The following PHC2 variants were observed in gnomAD, a reference collection of about 807,000 sequenced individuals.
The protein encoded by PHC2 is polyhomeotic-like protein 2.
Under a neutral mutation model 87.4 loss-of-function variants are expected in PHC2, and 29 were observed. The observed-to-expected ratio is 0.33, with a 90% confidence interval of 0.25 to 0.45. PHC2 has a LOEUF of 0.45. PHC2 is among the 20% of genes least tolerant of loss of function. The pLI is 1.00. For missense variants in PHC2, 857 were observed against 1,136.7 expected, an observed-to-expected ratio of 0.75 and a Z score of 3.54; for synonymous variants, 438 against 461.7, an observed-to-expected ratio of 0.95 and a Z score of 0.66.
chr1:33,411,190 C>G (rs1035795583), intron 1 of PHC2, among the ~76,000 whole-genome samples: 1 of 152,120 alleles, frequency 6.6e-6, no homozygotes, highest in African/African-American at 2.4e-5. Flanking sequence ...AATAAATAAT[C>G]TGAAAGCTAG....
At chr1:33,355,910 T>C (rs1647061792) in intron 7 of PHC2, among the ~76,000 whole-genome samples, 1 of 152,108 alleles carries the variant, frequency 6.6e-6, no homozygotes, top group Admixed American at 6.5e-5. Flanking sequence ...AAGGATGAAA[T>C]GAGAAGAAAA....
intron 1 of PHC2, among the ~76,000 whole-genome samples, chr1:33,428,833 G>C (rs577140337): frequency 5.3e-5 from 8 of 152,212 alleles, no homozygotes; most frequent in Non-Finnish European, 1.2e-4. Context: ...AGCCTATGGA[G>C]GGCCTGGCCC....
chr1:33,419,717 C>T lies in PHC2; in HGVS notation c.-55+11259G>A, dbSNP rs527476614. Among the ~76,000 whole-genome samples, 275 of 152,312 alleles carry T rather than the reference C, an allele frequency of 1.8e-3. 1 individual carries two copies. Among genetic ancestry groups the T allele is most frequent in the African/African-American group, 6.4e-3 (266 of 41,566 alleles). Reference sequence around the variant, plus strand: ...CTCCACCTCCCGGGTTCATGCCATTCTCCTGCCTCAGCCTCCCGAGTAGCT... The same window carrying T: ...CTCCACCTCCCGGGTTCATGCCATTTTCCTGCCTCAGCCTCCCGAGTAGCT... On this transcript the variant is annotated intron_variant, in intron 1 of 14. Transcript: ENST00000683057.
chr1:33,431,009 C>G lies in PHC2; in HGVS notation c.-88G>C, dbSNP rs1650900354. ...GCCTCCGCGCTCCTCCTCCACCTGGCCGCTCTCTCCCGGGGGCCGCCCCTC... is the reference window on the plus strand; with the variant it reads ...GCCTCCGCGCTCCTCCTCCACCTGGGCGCTCTCTCCCGGGGGCCGCCCCTC... On this transcript the variant is annotated 5_prime_UTR_variant, in exon 1 of 15. Coordinates refer to ENST00000683057, the MANE Select transcript of PHC2 (RefSeq NM_001385109.1). 6.6e-6 allele frequency: 1 copy of G among 152,074 alleles called. No homozygotes were observed. The highest frequency in any genetic ancestry group is 1.5e-5 in the Non-Finnish European group (1 of 68,040). 9.4% of individuals were successfully genotyped at this position (152,074 alleles called of 1,614,324 possible). A position where few individuals can be genotyped will look rare whatever the true frequency, so the allele number is the denominator to read the frequency against.
chr1:33,421,514 G>T (rs548890417), intron 1 of PHC2, among the ~76,000 whole-genome samples: 2 of 152,314 alleles, frequency 1.3e-5, no homozygotes, highest in African/African-American at 4.8e-5. Flanking sequence ...AGTTATGGGT[G>T]ATGTCATGAG....
At chr1:33,392,573 T>C (rs1649114936) in intron 1 of PHC2, 2 of 152,326 alleles carry the variant, frequency 1.3e-5, no homozygotes, top group South Asian at 4.1e-4. Context: ...ATAGCTCCTG[T>C]TCCTGCTGTC....
At chr1:33,395,306 T>C (rs1342638647) in intron 1 of PHC2, among the ~76,000 whole-genome samples, 7 of 151,840 alleles carry the variant, frequency 4.6e-5, no homozygotes, top group African/African-American at 1.7e-4. Flanking sequence ...GGGTGGGGAA[T>C]GGCTGGGAAG....
Position 33,401,101 on chromosome 1 carries a change from C to T in PHC2, c.-54-25508G>A, listed in dbSNP as rs541693781. On this transcript the variant is annotated intron_variant, in intron 1 of 14. Transcript: ENST00000683057. ...TAGCACTTTGGGAGGCCGAGGTAGGCGAATCAAAAGGTCAGGAGATCCAAA... is the reference window on the plus strand; with the variant it reads ...TAGCACTTTGGGAGGCCGAGGTAGGTGAATCAAAAGGTCAGGAGATCCAAA... Among the ~76,000 whole-genome samples the T allele has an allele frequency of 1.4e-4, 22 of 152,064 alleles. 1 individual carries two copies. The highest frequency in any genetic ancestry group is 4.1e-4 in the African/African-American group (17 of 41,512).
At chr1:33,381,576 A>G (rs77908532) in intron 1 of PHC2, among the ~76,000 whole-genome samples, 2,688 of 151,920 alleles carry the variant, frequency 0.018, 72 homozygotes, top group African/African-American at 0.061. Flanking sequence ...ATATCTAAGC[A>G]ATTTATGTAA....
chr1:33,347,645 GGACT>G, intron 9 of PHC2: 3 of 985,396 alleles, frequency 3.0e-6, no homozygotes, highest in Non-Finnish European at 3.6e-6. Context: ...ACAACAGAAA[GGACT>G]AAGAAACTAC....
chr1:33,335,446 C>T (rs1646607759), intron 9 of PHC2: 1 of 514,162 alleles, frequency 1.9e-6, no homozygotes, highest in South Asian at 8.4e-5. Context: ...GTGATATATA[C>T]TTTAAAAGTG....
intron 1 of PHC2, among the ~76,000 whole-genome samples, chr1:33,424,318 T>C (rs1461205738): frequency 6.6e-6 from 1 of 152,180 alleles, no homozygotes; most frequent in African/African-American, 2.4e-5. Context: ...AAGCCACCTT[T>C]ATCTGTACCC....
Position 33,332,534 on chromosome 1 carries a change from G to A in PHC2, c.1762-130C>T, listed in dbSNP as rs763623016. The A allele has an allele frequency of 7.2e-6, 8 of 1,104,550 alleles. No individual in the cohort carries two copies. The allele number at this position is 1,104,550 out of a possible 1,614,324, so 68.4% of individuals were successfully genotyped here. ...CAGCCCTCCTCAAACCTTCCCCCAT[G>A]TCATCATCCAAGTGTGCTGGGCTCA... On this transcript the variant is annotated intron_variant, in intron 10 of 14. Transcript: ENST00000683057. This position sits in a 1 kb window ranked among gnomAD's most constrained non-coding sequence, Gnocchi z 4.2.
intron 1 of PHC2, among the ~76,000 whole-genome samples, chr1:33,391,521 G>A (rs867879040): frequency 7.9e-5 from 12 of 152,074 alleles, no homozygotes; most frequent in South Asian, 2.1e-4. Flanking sequence ...CTGTATGCTT[G>A]GGAAGATCTT....
intron 1 of PHC2, among the ~76,000 whole-genome samples, chr1:33,395,496 C>T (rs1344693029): frequency 1.3e-5 from 2 of 151,966 alleles, no homozygotes; most frequent in Non-Finnish European, 2.9e-5. Flanking sequence ...CTAGTTAATG[C>T]TATACATACT....
chr1:33,384,338 ATTTG>A (rs1648636389), intron 1 of PHC2, among the ~76,000 whole-genome samples: 1 of 152,208 alleles, frequency 6.6e-6, no homozygotes. Flanking sequence ...CCCACTATCC[ATTTG>A]AATATGAGAT....
intron 9 of PHC2, chr1:33,336,937 C>T (rs2148219119): frequency 6.6e-6 from 1 of 152,334 alleles, no homozygotes; most frequent in African/African-American, 2.4e-5. Context: ...GTTGATGATT[C>T]AATCAAATTA....
chr1:33,390,222 T>C (rs942485), intron 1 of PHC2, among the ~76,000 whole-genome samples: 109,059 of 152,078 alleles, frequency 0.72, 39,873 homozygotes, highest in African/African-American at 0.86. Context: ...CATATAATTC[T>C]GTGAAAACTT....
rs1290453730 is a variant in PHC2, at chr1:33,368,631, AC to A, written c.577-10del. The A allele has an allele frequency of 1.3e-6, 2 of 1,547,708 alleles. No homozygotes were observed. Among genetic ancestry groups the A allele is most frequent in the South Asian group, 2.4e-5 (2 of 83,978 alleles). ...GTGGGCGTGAAGATGAGCTGAGGGG[AC>A]AAAGGAACAGTGCCGCCTAGGCTCC... On this transcript the variant is annotated splice_polypyrimidine_tract_variant and intron_variant, in intron 5 of 14. Transcript: ENST00000683057. The surrounding 1 kb of genome is among the most constrained non-coding windows in gnomAD (Gnocchi z 6.6).
Sources: allele counts gnomAD v4.1 joint callset (sites outside exome capture counted in the v4.1 genomes callset), GRCh38; gene constraint gnomAD v4.1.1; non-coding constraint Gnocchi (gnomAD v3.1); transcripts MANE v1.5; gene names NCBI Gene and HGNC (gene_info 2026-07-23, HGNC 2026-07-21).